The following TNFSF4 variants were observed in gnomAD, a reference collection of about 807,000 sequenced individuals.
The protein encoded by TNFSF4 is tumor necrosis factor ligand superfamily member 4.
TNFSF4 carries 4 observed loss-of-function variants against 7.3 expected under a neutral mutation model. The observed-to-expected ratio is 0.55, with a 90% CI of 0.27 to 1.25. The LOEUF (loss-of-function observed/expected upper bound fraction) is 1.25. Ranked by LOEUF, TNFSF4 falls within the 50% of genes most tolerant of loss-of-function variation. The pLI is 0.12. For missense variants in TNFSF4, 181 were observed against 208.8 expected, an observed-to-expected ratio of 0.87 and a Z score of 0.82; for synonymous variants, 76 against 83.7, an observed-to-expected ratio of 0.91 and a Z score of 0.50.
At chr1:173,263,719 C>T in the TNFSF4 span, among the ~76,000 whole-genome samples, 32 of 129,116 alleles carry the variant, frequency 2.5e-4, no homozygotes, top group Admixed American at 1.7e-3. Context: ...CAGAGATGTT[C>T]CAAAAATGGA....
the TNFSF4 span, among the ~76,000 whole-genome samples, chr1:173,276,558 C>G: frequency 1.3e-5 from 2 of 152,240 alleles, no homozygotes; most frequent in South Asian, 4.1e-4. Flanking sequence ...AGTTGGAGGC[C>G]TTAGAGCCAC....
At chr1:173,229,997 C>T in the TNFSF4 span, among the ~76,000 whole-genome samples, 5 of 152,070 alleles carry the variant, frequency 3.3e-5, no homozygotes, top group Non-Finnish European at 7.4e-5. Flanking sequence ...GACGTTAACA[C>T]CCCACTGTCA....
At chr1:173,343,525 T>C in the TNFSF4 span, among the ~76,000 whole-genome samples, 1 of 152,152 alleles carries the variant, frequency 6.6e-6, no homozygotes, top group Non-Finnish European at 1.5e-5. Flanking sequence ...GGGTATTATT[T>C]TTCCCTTCTC....
chr1:173,360,083 A>G, the TNFSF4 span, among the ~76,000 whole-genome samples: 3 of 152,224 alleles, frequency 2.0e-5, no homozygotes, highest in Non-Finnish European at 4.4e-5. Context: ...CTGCTAATCA[A>G]TATCCTTGGC....
chr1:173,337,074 G>A, the TNFSF4 span, among the ~76,000 whole-genome samples: 1 of 152,152 alleles, frequency 6.6e-6, no homozygotes, highest in Non-Finnish European at 1.5e-5. Context: ...ATTGAGCCAG[G>A]TGATTAAGCA....
At chr1:173,415,239 G>A in the TNFSF4 span, among the ~76,000 whole-genome samples, 4 of 152,308 alleles carry the variant, frequency 2.6e-5, no homozygotes, top group South Asian at 4.1e-4. Flanking sequence ...GCAAGACCAC[G>A]TCTCACATTT....
the TNFSF4 span, among the ~76,000 whole-genome samples, chr1:173,278,729 G>A: frequency 2.6e-5 from 4 of 152,024 alleles, no homozygotes; most frequent in Admixed American, 6.6e-5. Context: ...AGCAAGGGGA[G>A]GAGATTTCCA....
chr1:173,450,693 A>T, the TNFSF4 span, among the ~76,000 whole-genome samples: 2 of 143,124 alleles, frequency 1.4e-5, no homozygotes, highest in African/African-American at 5.0e-5. Flanking sequence ...ATCTTATTGG[A>T]TGAAGAAAAA....
At chr1:173,236,690 G>A in the TNFSF4 span, among the ~76,000 whole-genome samples, 14 of 152,082 alleles carry the variant, frequency 9.2e-5, 1 homozygote, top group Admixed American at 9.2e-4. Flanking sequence ...ACAGCACCAT[G>A]GATGGAACAG....
At chr1:173,401,569 T>A in the TNFSF4 span, among the ~76,000 whole-genome samples, 1 of 152,124 alleles carries the variant, frequency 6.6e-6, no homozygotes, top group African/African-American at 2.4e-5. Flanking sequence ...AGTTGAAACA[T>A]CTGTTTTCTC....
rs745991759 is a variant in TNFSF4 at position 173,205,360 on chromosome 1, C to T, written c.153+1664G>A. The T allele has an allele frequency of 3.7e-6, 6 of 1,611,824 alleles. No homozygotes were observed. In the South Asian group the frequency reaches 5.5e-5, roughly 15 times the overall value. On this transcript the variant is annotated intron_variant, in intron 1 of 2. Transcript: ENST00000281834. ...CAGCACCCTGCTTTTCTTCCCACAGCTTTCCTTCTGTCCCAGAGTTGCTGG... is the reference window on the plus strand; with the variant it reads ...CAGCACCCTGCTTTTCTTCCCACAGTTTTCCTTCTGTCCCAGAGTTGCTGG...
At chr1:173,238,716 C>T in the TNFSF4 span, among the ~76,000 whole-genome samples, 170 of 149,312 alleles carry the variant, frequency 1.1e-3, no homozygotes, top group African/African-American at 3.9e-3. Flanking sequence ...CATGTTACAC[C>T]AGTCAGAATG....
the TNFSF4 span, among the ~76,000 whole-genome samples, chr1:173,282,210 C>T: frequency 5.3e-5 from 8 of 151,758 alleles, no homozygotes; most frequent in African/African-American, 1.9e-4. Context: ...TGTTCCCAAA[C>T]AAAGAAACGA....
the TNFSF4 span, among the ~76,000 whole-genome samples, chr1:173,334,887 C>T: frequency 6.6e-6 from 1 of 152,018 alleles, no homozygotes; most frequent in Non-Finnish European, 1.5e-5. Flanking sequence ...CCCAGCAGGC[C>T]CCTAAAGGTG....
the TNFSF4 span, among the ~76,000 whole-genome samples, chr1:173,239,770 C>A: frequency 1.3e-5 from 2 of 152,116 alleles, no homozygotes; most frequent in East Asian, 3.8e-4. Context: ...GTGGCTCACA[C>A]CTATAATCCC....
Position 173,207,045 on chromosome 1 carries a change from G to A in TNFSF4, c.132C>T (p.Cys44=). The change falls in exon 1 of 3, where the codon TGC becomes TGT. Residue 44 remains cysteine, a synonymous_variant. Coordinates refer to ENST00000281834, the MANE Select transcript of TNFSF4 (RefSeq NM_003326.5). ...TTACCTGAAGAGCAGAGAAGTGCAG[G>A]CAGATGTAGGTGAAGCACAGGAGCA... ...LGLLLCFTYI[C]LHFSALQVSH... is the part of the protein sequence containing the mutation. The A allele has an allele frequency of 6.2e-7, 1 of 1,612,596 alleles. No homozygotes were observed. The highest frequency in any genetic ancestry group is 8.5e-7 in the Non-Finnish European group (1 of 1,179,198).
chr1:173,252,039 G>A, the TNFSF4 span, among the ~76,000 whole-genome samples: 36 of 151,930 alleles, frequency 2.4e-4, no homozygotes, highest in Non-Finnish European at 4.0e-4. Flanking sequence ...TGGCTAACTA[G>A]ATCAAATGTT....
At chr1:173,357,131 A>C in the TNFSF4 span, among the ~76,000 whole-genome samples, 5 of 152,356 alleles carry the variant, frequency 3.3e-5, no homozygotes. Context: ...AAAGGAAGTC[A>C]ATTGACTTTG....
the TNFSF4 span, among the ~76,000 whole-genome samples, chr1:173,233,194 G>A: frequency 1.3e-5 from 2 of 152,188 alleles, no homozygotes; most frequent in Non-Finnish European, 2.9e-5. Flanking sequence ...ACAAGCTTCA[G>A]TAGCTGATTC....
Sources: gnomAD v4.1 joint callset for allele counts (sites outside exome capture counted in the v4.1 genomes callset) on GRCh38, gnomAD v4.1.1 for gene constraint, MANE v1.5 for transcripts, NCBI Gene and HGNC (gene_info 2026-07-23, HGNC 2026-07-21) for gene names.